VPS13D: variants seen among roughly 807,000 people sequenced by gnomAD.
VPS13D encodes intermembrane lipid transfer protein VPS13D.
A neutral mutation model predicts 461.9 loss-of-function variants in VPS13D; 187 were observed. That is an observed-to-expected ratio of 0.40 (90% CI 0.36 to 0.46). The LOEUF is 0.46. Ranked by LOEUF, VPS13D falls within the 20% of genes least tolerant of loss-of-function variation. The pLI, the probability that VPS13D is intolerant of heterozygous loss-of-function variation, is 0.60. For synonymous variants in VPS13D, 1,951 were observed against 1,986.3 expected, an observed-to-expected ratio of 0.98 and a Z score of 0.47; for missense variants, 4,711 against 5,364.9, an observed-to-expected ratio of 0.88 and a Z score of 3.81.
intron 63 of VPS13D, among the ~76,000 whole-genome samples, chr1:12,414,765 C>CTG (rs1183260680): frequency 1.3e-5 from 2 of 152,128 alleles, no homozygotes; most frequent in African/African-American, 4.8e-5. Flanking sequence ...GTATACTTTT[C>CTG]TGTGTGTGTG....
intron 63 of VPS13D, among the ~76,000 whole-genome samples, chr1:12,406,207 G>T (rs1459288557): frequency 6.6e-6 from 1 of 152,174 alleles, no homozygotes; most frequent in African/African-American, 2.4e-5. Flanking sequence ...GCTTGTGGGA[G>T]TCACATTTTA....
chr1:12,322,582 A>C lies in VPS13D; in HGVS notation c.7751A>C (p.Gln2584Pro). The C allele has an allele frequency of 6.2e-7, 1 of 1,614,244 alleles. No homozygotes were observed. The highest frequency in any genetic ancestry group is 8.5e-7 in the Non-Finnish European group (1 of 1,180,040). The stretch of plus-strand genomic sequence containing the variant: ...ATCAGACTCTCCTATAATGATGTTC[A>C]GCTGTTTCTTGCCATTGCAAAATCC... The part of the protein sequence containing the change: ...LDIRLSYNDV[Q>P]LFLAIAKSIP... Residue 2584 changes from glutamine (Q) to proline (P), a missense_variant, in exon 34 of 70, where the codon CAG becomes CCG. By Grantham distance (76) the Gln-to-Pro change is moderately conservative. Coordinates refer to ENST00000620676, the MANE Select transcript of VPS13D (RefSeq NM_015378.4).
Position 12,507,377 on chromosome 1 carries a change from C to T in VPS13D, c.13035+284C>T, listed in dbSNP as rs748132923. On this transcript the variant is annotated intron_variant, in intron 69 of 69. Transcript: ENST00000620676. This position sits in a 1 kb window ranked among gnomAD's most constrained non-coding sequence, Gnocchi z 5.3. ...TAGTGAGGGTAACAATACTTACTCTCGTTGGTGATAAGGAACAGCTAACAC... is the reference window on the plus strand; with the variant it reads ...TAGTGAGGGTAACAATACTTACTCTTGTTGGTGATAAGGAACAGCTAACAC... The T allele has an allele frequency of 9.3e-6, 6 of 644,920 alleles. No individual in the cohort carries two copies. Among genetic ancestry groups the T allele is most frequent in the South Asian group, 4.1e-5 (3 of 72,572 alleles). The allele number at this position is 644,920 out of a possible 1,614,324, so 39.9% of individuals were successfully genotyped here.
intron 63 of VPS13D, among the ~76,000 whole-genome samples, chr1:12,413,833 G>T (rs547667247): frequency 1.3e-5 from 2 of 151,658 alleles, no homozygotes; most frequent in African/African-American, 4.9e-5. Flanking sequence ...GTGTAGAATA[G>T]CAAGGGATCT....
At chr1:12,383,724 A>ATGT (rs1644313606) in intron 58 of VPS13D, among the ~76,000 whole-genome samples, 2 of 152,232 alleles carry the variant, frequency 1.3e-5, no homozygotes, top group Non-Finnish European at 2.9e-5. Context: ...TTTACTGAGC[A>ATGT]GCTACTTGAG....
In VPS13D at chr1:12,342,944, G is replaced by A; in HGVS notation, c.8778G>A (p.Gly2926=). Reference sequence around the variant, plus strand: ...GGAGTCCAGGGGTAGTTCCAGAAGGGAACGGAACATTTCTCGATGATACTC... The same window carrying A: ...GGAGTCCAGGGGTAGTTCCAGAAGGAAACGGAACATTTCTCGATGATACTC... ...HSGSPGVVPE[G]NGTFLDDTHN... Residue 2926 remains glycine, a synonymous_variant, in exon 42 of 70, where the codon GGG becomes GGA. Transcript: ENST00000620676. 6.2e-7 allele frequency: 1 copy of A among 1,613,840 alleles called. No individual in the cohort carries two copies. Among genetic ancestry groups the A allele is most frequent in the Non-Finnish European group, 8.5e-7 (1 of 1,179,768 alleles).
intron 63 of VPS13D, among the ~76,000 whole-genome samples, chr1:12,413,211 T>TAC (rs1318269482): frequency 7.1e-4 from 108 of 152,192 alleles, no homozygotes; most frequent in African/African-American, 2.3e-3. Flanking sequence ...GTTGTTTGTT[T>TAC]TAAGTGACAG....
At chr1:12,232,379 C>A (rs1022367339) in intron 1 of VPS13D, among the ~76,000 whole-genome samples, 2 of 152,324 alleles carry the variant, frequency 1.3e-5, no homozygotes, top group South Asian at 4.1e-4. Context: ...GGTGTATCTT[C>A]TGGCACTAAG....
intron 65 of VPS13D, among the ~76,000 whole-genome samples, chr1:12,436,253 G>A (rs1645059342): frequency 6.6e-6 from 1 of 152,208 alleles, no homozygotes; most frequent in Middle Eastern, 3.2e-3. Flanking sequence ...GGAAGGGGTG[G>A]ACTCTTCTAC....
chr1:12,399,650 T>C (rs1002226208), intron 60 of VPS13D, among the ~76,000 whole-genome samples: 1 of 151,734 alleles, frequency 6.6e-6, no homozygotes, highest in African/African-American at 2.4e-5. Context: ...AGAAACCCCG[T>C]CTCTACTAAA....
In VPS13D at chr1:12,258,028, C is replaced by G; in HGVS notation, c.1035C>G (p.Arg345=). Residue 345 remains arginine, a synonymous_variant, in exon 10 of 70, where the codon CGC becomes CGG. Transcript: ENST00000620676. ...KRCTWDFMLH[R]ARDAVSYTDK... is the part of the protein sequence containing the mutation. The stretch of plus-strand genomic sequence containing the variant: ...GCACCTGGGACTTTATGTTGCACCG[C>G]GCTCGTGATGCTGTATCTTACACTG... 4 of 1,614,164 alleles carry G rather than the reference C, an allele frequency of 2.5e-6. No individual in the cohort carries two copies. Among genetic ancestry groups the G allele is most frequent in the Admixed American group, 1.7e-5 (1 of 60,016 alleles).
In VPS13D at chr1:12,356,003, C is replaced by T. The variant is rs777953837; in HGVS notation, c.9784C>T (p.Leu3262=). The change falls in exon 48 of 70, where the codon CTG becomes TTG. Residue 3262 remains leucine (L), a synonymous_variant. Coordinates refer to ENST00000620676, the MANE Select transcript of VPS13D (RefSeq NM_015378.4). The part of the protein sequence containing the change: ...MRLYDVNRRQ[L]NLTIRIVCRA... ...ACTCTATGACGTCAACCGTCGGCAGCTGAACCTCACCATCCGGATTGTGTG... is the reference window on the plus strand; with the variant it reads ...ACTCTATGACGTCAACCGTCGGCAGTTGAACCTCACCATCCGGATTGTGTG... 4 of 1,614,176 alleles carry T rather than the reference C, an allele frequency of 2.5e-6. 1 individual carries two copies. In the South Asian group the frequency reaches 4.4e-5, roughly 18 times the overall value.
At chr1:12,365,698 T>G (rs1644025103) in intron 52 of VPS13D, among the ~76,000 whole-genome samples, 1 of 147,388 alleles carries the variant, frequency 6.8e-6, no homozygotes, top group Non-Finnish European at 1.5e-5. Context: ...AGTGAGACTC[T>G]GTCTCAAAAA....
rs1170965538 is a variant in VPS13D, at chr1:12,261,037, G to T, written c.1302G>T (p.Gln434His). The T allele has an allele frequency of 5.0e-6, 8 of 1,613,994 alleles. No individual in the cohort carries two copies. The highest frequency in any genetic ancestry group is 1.1e-5 in the South Asian group (1 of 91,072). The change falls in exon 12 of 70, where the codon CAG becomes CAT. Residue 434 changes from glutamine (Q) to histidine (H), a missense_variant. Transcript: ENST00000620676. Reference protein sequence around the residue: ...GGGSGMLQYLQSWFPGWGGWY... With the variant: ...GGGSGMLQYLHSWFPGWGGWY... ...GCAGTGGGATGCTGCAGTATCTCCA[G>T]TCCTGGTTTCCTGGATGGGGTGGCT...
intron 34 of VPS13D, among the ~76,000 whole-genome samples, chr1:12,323,095 G>A (rs1400988264): frequency 6.6e-6 from 1 of 151,822 alleles, no homozygotes; most frequent in Non-Finnish European, 1.5e-5. Flanking sequence ...TTTTAGACAG[G>A]GTCTTGCTCT....
At chr1:12,343,143 G>GATTTT (rs536446797) in intron 42 of VPS13D, 92 bp downstream of exon 42, 94 of 1,047,260 alleles carry the variant, frequency 9.0e-5, no homozygotes, top group South Asian at 4.6e-4. Context: ...CCTTATAAAT[G>GATTTT]ATTTTATTTT....
intron 67 of VPS13D, among the ~76,000 whole-genome samples, chr1:12,486,359 GA>G (rs1645796943): frequency 6.6e-6 from 1 of 152,206 alleles, no homozygotes; most frequent in African/African-American, 2.4e-5. Flanking sequence ...CCAAAATAAT[GA>G]GAGCCGTGTT....
intron 57 of VPS13D, among the ~76,000 whole-genome samples, chr1:12,381,876 C>T (rs1051431693): frequency 4.6e-5 from 7 of 152,130 alleles, no homozygotes; most frequent in African/African-American, 1.7e-4. Flanking sequence ...AAATTTAATT[C>T]GGCTGAAGTC....
chr1:12,307,079 T>C (rs1642586708), intron 26 of VPS13D, among the ~76,000 whole-genome samples: 1 of 152,206 alleles, frequency 6.6e-6, no homozygotes, highest in Admixed American at 6.5e-5. Context: ...ATTCCATGTA[T>C]TTATCAATGT....
Sources: allele counts gnomAD v4.1 joint callset (sites outside exome capture counted in the v4.1 genomes callset), GRCh38; gene constraint gnomAD v4.1.1; non-coding constraint Gnocchi (gnomAD v3.1); transcripts MANE v1.5; gene names NCBI Gene and HGNC (gene_info 2026-07-23, HGNC 2026-07-21).